The following PLEKHA1 variants were observed in gnomAD, a reference collection of about 807,000 sequenced individuals.
PLEKHA1 encodes the protein pleckstrin homology domain containing A1.
In PLEKHA1, 34 loss-of-function variants were observed where a neutral mutation model predicts 52.0. The observed-to-expected ratio is 0.65, with a 90% CI of 0.50 to 0.87. The LOEUF (loss-of-function observed/expected upper bound fraction) is 0.87, where lower values mean the gene tolerates loss of function less well. Ranked by LOEUF, PLEKHA1 falls within the 40% of genes least tolerant of loss-of-function variation. The pLI, the probability that PLEKHA1 is intolerant of heterozygous loss-of-function variation, is 0.00. For missense variants in PLEKHA1, 497 were observed against 504.2 expected, an observed-to-expected ratio of 0.99 and a Z score of 0.14; for synonymous variants, 163 against 170.7, an observed-to-expected ratio of 0.95 and a Z score of 0.35.
intron 1 of PLEKHA1, among the ~76,000 whole-genome samples, chr10:122,385,077 A>G (rs1429349476): frequency 1.3e-5 from 2 of 152,140 alleles, no homozygotes; most frequent in African/African-American, 2.4e-5. Flanking sequence ...GCAGCACATT[A>G]AGATACAGAA....
intron 4 of PLEKHA1, 25 bp from the exon 5 acceptor site, chr10:122,406,551 G>T (rs1252192774): frequency 2.6e-6 from 4 of 1,543,202 alleles, no homozygotes; most frequent in Admixed American, 1.7e-5. Flanking sequence ...ACAATATTTG[G>T]TGTGTTATTT....
intron 1 of PLEKHA1, among the ~76,000 whole-genome samples, chr10:122,375,166 G>A (rs1433896128): frequency 6.6e-6 from 1 of 151,962 alleles, no homozygotes; most frequent in African/African-American, 2.4e-5. Context: ...CGGTCGCGGG[G>A]CCGACGAGCT....
Position 122,427,000 on chromosome 10 carries a change from C to T in PLEKHA1, c.869C>T (p.Ala290Val), listed in dbSNP as rs2097348321. The T allele has an allele frequency of 1.2e-6, 2 of 1,614,080 alleles. No homozygotes were observed. The highest frequency in any genetic ancestry group is 1.7e-6 in the Non-Finnish European group (2 of 1,179,950). ...WIKAVSGAIVAQRGPGRSASS... is the reference protein window; with the variant it reads ...WIKAVSGAIVVQRGPGRSASS... ...AAAGCAGTCTCTGGCGCCATTGTAG[C>T]ACAGCGGGGTCCCGGCAGATCTGCG... Residue 290 changes from alanine to valine, a missense_variant, in exon 11 of 12, where the codon GCA (alanine) becomes GTA (valine). Transcript: ENST00000368990.
intron 6 of PLEKHA1, among the ~76,000 whole-genome samples, chr10:122,414,340 T>G (rs1565266636): frequency 6.6e-6 from 1 of 152,136 alleles, no homozygotes; most frequent in Non-Finnish European, 1.5e-5. Context: ...TTCAGTAGTT[T>G]CTAGGATTTT....
chr10:122,426,790 T>TA, intron 10 of PLEKHA1, 152 bp from the exon 11 acceptor site: 1 of 678,110 alleles, frequency 1.5e-6, no homozygotes, highest in Non-Finnish European at 2.4e-6. Flanking sequence ...AACCTGGCTT[T>TA]AAAAAAATGA....
At chr10:122,440,574 G>T in the PLEKHA1 span, 3 of 152,178 alleles carry the variant, frequency 2.0e-5, no homozygotes, top group African/African-American at 7.2e-5. Context: ...AAGCCTTGGT[G>T]ACCCCAAAAC....
At chr10:122,427,157 ATTGGACTTGC>A in intron 11 of PLEKHA1, 126 bp downstream of exon 11, 2 of 832,694 alleles carry the variant, frequency 2.4e-6, no homozygotes, top group Non-Finnish European at 3.7e-6. Flanking sequence ...TTTTATACCA[ATTGGACTTGC>A]AAAAAATAAT....
At chr10:122,427,092 C>T (rs926376284) in intron 11 of PLEKHA1, 61 bp downstream of exon 11, 1 of 1,462,822 alleles carries the variant, frequency 6.8e-7, no homozygotes, top group Non-Finnish European at 9.5e-7. Flanking sequence ...ATCAAATTTC[C>T]TCTCTCCCAA....
chr10:122,435,728 T>C (rs924598644), downstream of PLEKHA1: 1 of 152,274 alleles, frequency 6.6e-6, no homozygotes, highest in African/African-American at 2.4e-5. Context: ...AATGAAGTTT[T>C]GGTTTTTTAA....
At chr10:122,384,542 G>C (rs1306014104) in intron 1 of PLEKHA1, among the ~76,000 whole-genome samples, 3 of 149,502 alleles carry the variant, frequency 2.0e-5, no homozygotes, top group Admixed American at 6.7e-5. Context: ...CCAGGGGGCA[G>C]AGCCTGCAGT....
At chr10:122,408,786 G>A (rs2097061023) in intron 5 of PLEKHA1, among the ~76,000 whole-genome samples, 2 of 151,964 alleles carry the variant, frequency 1.3e-5, no homozygotes, top group South Asian at 4.2e-4. Context: ...TCTCCAATTT[G>A]TTATATTTTC....
At chr10:122,442,049 C>T in the PLEKHA1 span, 3 of 152,322 alleles carry the variant, frequency 2.0e-5, no homozygotes, top group Non-Finnish European at 4.4e-5. Context: ...GACAACCCTT[C>T]GAGTGTAATT....
intron 2 of PLEKHA1, among the ~76,000 whole-genome samples, chr10:122,397,392 G>A (rs1301624823): frequency 6.6e-6 from 1 of 151,906 alleles, no homozygotes; most frequent in Non-Finnish European, 1.5e-5. Context: ...ATATGATAAA[G>A]AGAAGCAAAC....
downstream of PLEKHA1, chr10:122,435,810 T>G (rs2097435504): frequency 6.6e-6 from 1 of 151,720 alleles, no homozygotes; most frequent in Non-Finnish European, 1.5e-5. Context: ...TCCCAGCTAT[T>G]CAGGAAGCTG....
intron 2 of PLEKHA1, among the ~76,000 whole-genome samples, chr10:122,394,096 G>C (rs1277692190): frequency 3.8e-5 from 1 of 25,980 alleles, no homozygotes; most frequent in African/African-American, 1.0e-4. Flanking sequence ...TTTTTTTTTT[G>C]AGATGGAGTC....
rs762464671 is a variant in PLEKHA1 at position 122,424,979 on chromosome 10, A to G, written c.810+20A>G. On this transcript the variant is annotated intron_variant, in intron 10 of 11. Coordinates refer to ENST00000368990, the MANE Select transcript of PLEKHA1 (RefSeq NM_001001974.4). ...GTGCAGGTAAGATGCTTATTTGGCA[A>G]TTAATAGATCCTCCTAAAAAGAAAT... The G allele has an allele frequency of 6.3e-7, 1 of 1,581,844 alleles. No individual in the cohort carries two copies. The highest frequency in any genetic ancestry group is 1.7e-5 in the Admixed American group (1 of 57,206).
intron 5 of PLEKHA1, among the ~76,000 whole-genome samples, chr10:122,411,271 G>T (rs373682193): frequency 1.3e-5 from 2 of 152,140 alleles, no homozygotes; most frequent in East Asian, 1.9e-4. Context: ...CCTCTTCAAG[G>T]GAGGCAGGTG....
In PLEKHA1 at chr10:122,375,470, T is replaced by G. The variant is rs528735179; in HGVS notation, c.-21+664T>G. On this transcript the variant is annotated intron_variant, in intron 1 of 11. Transcript: ENST00000368990. ...AGCGACTTGCCCAAGGTCACGCAGG[T>G]GGCACCGGGGAGGCGACCAGACCCA... Among the ~76,000 whole-genome samples the G allele has an allele frequency of 4.6e-5, 7 of 151,088 alleles. No homozygotes were observed. The East Asian group carries it at 1.4e-3, about 29-fold the overall frequency.
intron 5 of PLEKHA1, among the ~76,000 whole-genome samples, chr10:122,411,014 A>G (rs2097099421): frequency 6.6e-6 from 1 of 152,202 alleles, no homozygotes; most frequent in African/African-American, 2.4e-5. Flanking sequence ...AGAAAATATA[A>G]TGGGCTTCCC....
Sources: allele counts gnomAD v4.1 joint callset (sites outside exome capture counted in the v4.1 genomes callset), GRCh38; gene constraint gnomAD v4.1.1; transcripts MANE v1.5; gene names NCBI Gene and HGNC (gene_info 2026-07-23, HGNC 2026-07-21).